BRD10: variants seen among roughly 807,000 people sequenced by gnomAD.
BRD10 encodes bromodomain containing 10, also known as uncharacterized bromodomain-containing protein 10.
chr9:5,994,580 C>T, the BRD10 span, among the ~76,000 whole-genome samples: 3 of 152,146 alleles, frequency 2.0e-5, no homozygotes, highest in Non-Finnish European at 4.4e-5. Flanking sequence ...CTCTCATTTG[C>T]TGTAACATAA....
At chr9:5,989,384 T>C in the BRD10 span, among the ~76,000 whole-genome samples, 1 of 145,828 alleles carries the variant, frequency 6.9e-6, no homozygotes, top group Non-Finnish European at 1.5e-5. Flanking sequence ...TGAGCTGAGA[T>C]CGTACCACTC....
At chr9:5,962,743 GC>G in the BRD10 span, among the ~76,000 whole-genome samples, 3 of 49,972 alleles carry the variant, frequency 6.0e-5, no homozygotes, top group African/African-American at 2.3e-4. Context: ...GGGATGCAAG[GC>G]TGGTTCAATA....
chr9:5,918,047 G>A, the BRD10 span, among the ~76,000 whole-genome samples: 44 of 152,188 alleles, frequency 2.9e-4, no homozygotes, highest in African/African-American at 9.7e-4. Flanking sequence ...CCATCAATGC[G>A]CAATGCAATG....
At chr9:5,993,031 T>A in the BRD10 span, among the ~76,000 whole-genome samples, 2 of 152,104 alleles carry the variant, frequency 1.3e-5, no homozygotes, top group African/African-American at 4.8e-5. Flanking sequence ...ATATTCTAAA[T>A]GAAGCCAGGC....
chr9:5,954,952 G>A, the BRD10 span, among the ~76,000 whole-genome samples: 1 of 152,024 alleles, frequency 6.6e-6, no homozygotes. Context: ...GCCGGGTGTG[G>A]TGGTGCGTGC....
the BRD10 span, among the ~76,000 whole-genome samples, chr9:5,949,637 C>T: frequency 1.3e-5 from 2 of 152,102 alleles, no homozygotes; most frequent in African/African-American, 4.8e-5. Flanking sequence ...CAAGGGCACA[C>T]TGCATGGAAG....
chr9:5,988,065 C>A, the BRD10 span, among the ~76,000 whole-genome samples: 45 of 152,280 alleles, frequency 3.0e-4, no homozygotes, highest in East Asian at 8.5e-3. Context: ...ATAGAAAATT[C>A]CTCTAATTTA....
At chr9:5,953,932 T>A in the BRD10 span, 1 of 775,042 alleles carries the variant, frequency 1.3e-6, no homozygotes. Context: ...TACAGTTTCT[T>A]GGAATTCAGC....
chr9:5,929,027 T>C, the BRD10 span: 2 of 1,336,904 alleles, frequency 1.5e-6, no homozygotes, highest in East Asian at 2.3e-5. Flanking sequence ...TAAAACAGAT[T>C]ATAACATTAA....
the BRD10 span, among the ~76,000 whole-genome samples, chr9:5,942,823 T>A: frequency 2.3e-4 from 35 of 152,208 alleles, no homozygotes; most frequent in African/African-American, 7.9e-4. Context: ...AATCTAAAAT[T>A]TTCTGATTAA....
chr9:5,956,422 C>T, the BRD10 span, among the ~76,000 whole-genome samples: 4 of 152,132 alleles, frequency 2.6e-5, no homozygotes, highest in African/African-American at 9.7e-5. Flanking sequence ...GTGCCTGCTA[C>T]AACCACCTAC....
chr9:6,006,206 TCA>T, the BRD10 span, among the ~76,000 whole-genome samples: 1 of 152,218 alleles, frequency 6.6e-6, no homozygotes, highest in Non-Finnish European at 1.5e-5. Flanking sequence ...ACTGTTGATT[TCA>T]CATTTATTAA....
At chr9:5,900,202 G>T in the BRD10 span, among the ~76,000 whole-genome samples, 2 of 152,106 alleles carry the variant, frequency 1.3e-5, 1 homozygote, top group South Asian at 4.1e-4. Context: ...ATAACAGAGA[G>T]TCTTAATGTC....
At chr9:5,955,437 T>C in the BRD10 span, among the ~76,000 whole-genome samples, 2 of 152,220 alleles carry the variant, frequency 1.3e-5, no homozygotes, top group East Asian at 3.8e-4. Flanking sequence ...TTGCTGTACA[T>C]AATCCTAATG....
the BRD10 span, chr9:5,969,179 G>A: frequency 1.9e-6 from 3 of 1,613,788 alleles, no homozygotes; most frequent in African/African-American, 4.0e-5. Context: ...GCGATGGGGA[G>A]GACTTAATAG....
At chr9:5,966,094 C>G in the BRD10 span, among the ~76,000 whole-genome samples, 1 of 152,168 alleles carries the variant, frequency 6.6e-6, no homozygotes, top group Non-Finnish European at 1.5e-5. Context: ...CTAAAATTTG[C>G]TCTGAGAATA....
chr9:5,958,299 T>G, the BRD10 span, among the ~76,000 whole-genome samples: 2 of 152,248 alleles, frequency 1.3e-5, no homozygotes, highest in African/African-American at 4.8e-5. Context: ...TCTAGTTTTC[T>G]AGAATCTGGA....
At chr9:5,995,154 G>T in the BRD10 span, among the ~76,000 whole-genome samples, 3 of 152,174 alleles carry the variant, frequency 2.0e-5, no homozygotes, top group Non-Finnish European at 4.4e-5. Context: ...ACCCGCCTTG[G>T]CATCCCAAAT....
the BRD10 span, among the ~76,000 whole-genome samples, chr9:5,899,691 C>T: frequency 6.6e-6 from 1 of 152,244 alleles, no homozygotes; most frequent in Admixed American, 6.5e-5. Flanking sequence ...GGGGTTATGA[C>T]ATTGCCTTGT....
Sources: gnomAD v4.1 joint callset for allele counts (sites outside exome capture counted in the v4.1 genomes callset) on GRCh38, gnomAD v4.1.1 for gene constraint, MANE v1.5 for transcripts, NCBI Gene and HGNC (gene_info 2026-07-23, HGNC 2026-07-21) for gene names.